Variants in AFF2 observed in about 807,000 individuals in gnomAD.
The protein encoded by AFF2 is AF4/FMR2 family member 2.
Under a neutral mutation model 76.9 loss-of-function variants are expected in AFF2, and 14 were observed. The observed-to-expected ratio is 0.18, with a 90% CI of 0.12 to 0.28. The LOEUF (loss-of-function observed/expected upper bound fraction) is 0.28, where lower values mean the gene tolerates loss of function less well. Among genes scored for constraint, AFF2 ranks in the 10% least tolerant of loss-of-function variants. AFF2 has a pLI of 1.00. For synonymous variants in AFF2, 398 were observed against 366.7 expected (o/e 1.09, Z -0.98); for missense variants, 868 against 1,001.1 (o/e 0.87, Z 1.79).
chrX:148,528,830 G>C (rs994033219), intron 1 of AFF2, among the ~76,000 whole-genome samples: 4 of 111,285 alleles, frequency 3.6e-5, no homozygotes, highest in Non-Finnish European at 7.5e-5. Context: ...TATGGAATTT[G>C]CTTCAACTTC....
Position 148,991,210 on chromosome X carries a change from G to T in AFF2, c.3815-1G>T, listed in dbSNP as rs1557292219. 1 of 1,191,379 alleles carries T rather than the reference G, an allele frequency of 8.4e-7. No homozygotes were observed. On this transcript the variant is annotated splice_acceptor_variant, in intron 20 of 20. Transcript: ENST00000370460. LOFTEE classifies it high-confidence loss of function. ...TAACTGAGAACTGCTCTGCTTTTCA[G>T]AATTCTTTGGTGATCTGGACACGCT...
chrX:148,978,292 A>G lies in AFF2; in HGVS notation c.3477-70A>G, dbSNP rs782767421. The G allele has an allele frequency of 6.9e-6, 5 of 727,276 alleles. No individual in the cohort carries two copies. In the Admixed American group the frequency reaches 1.3e-4, roughly 19 times the overall value. 59.9% of individuals were successfully genotyped at this position (727,276 alleles called of 1,213,427 possible). A position where few individuals can be genotyped will look rare whatever the true frequency, so the allele number is the denominator to read the frequency against. ...AAGTAACTGCAAATTGTGAATCAGCAGTCTTCTTAACAGTTTATAAAGTTT... is the reference window on the plus strand; with the variant it reads ...AAGTAACTGCAAATTGTGAATCAGCGGTCTTCTTAACAGTTTATAAAGTTT... On this transcript the variant is annotated intron_variant, in intron 17 of 20. Coordinates refer to ENST00000370460, the MANE Select transcript of AFF2 (RefSeq NM_002025.4).
intron 1 of AFF2, among the ~76,000 whole-genome samples, chrX:148,509,629 G>A (rs1348416532): frequency 8.9e-6 from 1 of 112,000 alleles, no homozygotes; most frequent in Non-Finnish European, 1.9e-5. Flanking sequence ...TAGCAAAATG[G>A]CCATTTTTCA....
intron 1 of AFF2, among the ~76,000 whole-genome samples, chrX:148,502,016 T>TA (rs2052359138): frequency 1.8e-5 from 2 of 111,871 alleles, no homozygotes; most frequent in Non-Finnish European, 3.8e-5. Context: ...TTAACTCTCT[T>TA]AGAGATGTGC....
At chrX:148,879,351 A>G (rs934692714) in intron 7 of AFF2, among the ~76,000 whole-genome samples, 19 of 111,951 alleles carry the variant, frequency 1.7e-4, no homozygotes, top group Non-Finnish European at 3.0e-4. Context: ...TGGAGCCACA[A>G]CCATCTCCAT....
chrX:148,967,752 C>A, intron 15 of AFF2, 60 bp downstream of exon 15: 1 of 1,093,506 alleles, frequency 9.1e-7, no homozygotes, highest in Non-Finnish European at 1.2e-6. Context: ...CAAAGGAAAA[C>A]AAAGAAAGCA....
chrX:148,762,602 C>T (rs1411732893), intron 3 of AFF2, among the ~76,000 whole-genome samples: 1 of 108,968 alleles, frequency 9.2e-6, no homozygotes, highest in Non-Finnish European at 1.9e-5. Flanking sequence ...TAAGCTAGAT[C>T]TGCCATGCAT....
At chrX:148,505,801 A>G (rs1287322242) in intron 1 of AFF2, among the ~76,000 whole-genome samples, 2 of 112,112 alleles carry the variant, frequency 1.8e-5, no homozygotes, top group African/African-American at 6.5e-5. Context: ...TGCTGCAGTG[A>G]CTGCATTTTT....
chrX:148,540,445 T>C (rs1359329181), intron 1 of AFF2, among the ~76,000 whole-genome samples: 2 of 99,843 alleles, frequency 2.0e-5, no homozygotes, highest in African/African-American at 7.5e-5. Context: ...AATCTAAAAA[T>C]GGAATCCCAT....
At chrX:148,690,559 C>T (rs1187283431) in intron 3 of AFF2, among the ~76,000 whole-genome samples, 1 of 112,263 alleles carries the variant, frequency 8.9e-6, no homozygotes, top group African/African-American at 3.2e-5. Context: ...AGTCCAGTCT[C>T]CTTTCTTCAT....
At chrX:148,710,713 T>G (rs1557262830) in intron 3 of AFF2, among the ~76,000 whole-genome samples, 1 of 112,224 alleles carries the variant, frequency 8.9e-6, no homozygotes, top group African/African-American at 3.2e-5. Flanking sequence ...TAACCTCATG[T>G]AGATAATTTG....
At chrX:148,554,007 G>C (rs781960933) in intron 1 of AFF2, among the ~76,000 whole-genome samples, 4 of 111,304 alleles carry the variant, frequency 3.6e-5, no homozygotes, top group Admixed American at 9.5e-5. Flanking sequence ...CAAAGAGGAG[G>C]GTCTAAGAAT....
chrX:148,718,255 T>C (rs2055049882), intron 3 of AFF2, among the ~76,000 whole-genome samples: 1 of 111,837 alleles, frequency 8.9e-6, no homozygotes, highest in African/African-American at 3.2e-5. Flanking sequence ...CAGATGCTTT[T>C]GAAGAAAACA....
chrX:148,682,804 C>G (rs781803300), intron 3 of AFF2, among the ~76,000 whole-genome samples: 1 of 111,943 alleles, frequency 8.9e-6, no homozygotes, highest in Non-Finnish European at 1.9e-5. Context: ...ATGTTCCTAA[C>G]TTGTATTATT....
intron 3 of AFF2, among the ~76,000 whole-genome samples, chrX:148,667,395 A>G (rs1431452141): frequency 8.9e-6 from 1 of 112,533 alleles, no homozygotes; most frequent in Non-Finnish European, 1.9e-5. Context: ...GCTACACAGA[A>G]AAGAGACAGC....
intron 1 of AFF2, among the ~76,000 whole-genome samples, chrX:148,540,095 T>G (rs2052835149): frequency 8.9e-6 from 1 of 112,006 alleles, no homozygotes; most frequent in African/African-American, 3.2e-5. Context: ...TGAAAGTATG[T>G]GCACTTCCAT....
chrX:148,644,343 C>T (rs184090544), intron 1 of AFF2, among the ~76,000 whole-genome samples: 1 of 111,258 alleles, frequency 9.0e-6, no homozygotes, highest in Non-Finnish European at 1.9e-5. Context: ...TTCTGACAGC[C>T]CCAGCGGTTA....
chrX:148,577,072 A>C (rs146264436), intron 1 of AFF2, among the ~76,000 whole-genome samples: 1,407 of 111,789 alleles, frequency 0.013, 32 homozygotes, highest in African/African-American at 0.041. Context: ...AGTATCTCTA[A>C]GGTATCACAT....
chrX:148,927,591 G>A (rs1364872500), intron 9 of AFF2, among the ~76,000 whole-genome samples: 1 of 110,893 alleles, frequency 9.0e-6, no homozygotes, highest in African/African-American at 3.3e-5. Flanking sequence ...CTGGAGGCTA[G>A]GTTAAAGGGA....
Sources: gnomAD v4.1 joint callset for allele counts (sites outside exome capture counted in the v4.1 genomes callset) on GRCh38, gnomAD v4.1.1 for gene constraint, MANE v1.5 for transcripts, NCBI Gene and HGNC (gene_info 2026-07-23, HGNC 2026-07-21) for gene names.